NRG1: variants seen among roughly 807,000 people sequenced by gnomAD.
NRG1 encodes neuregulin 1.
A neutral mutation model predicts 63.8 loss-of-function variants in NRG1; 18 were observed. The observed-to-expected ratio is 0.28, with a 90% CI of 0.19 to 0.42. The LOEUF (loss-of-function observed/expected upper bound fraction) is 0.42. NRG1 is among the 10% of genes least tolerant of loss of function. The probability of loss-of-function intolerance (pLI) is 1.00; values close to 1 mark genes in which losing one functional copy is unlikely to be tolerated. For missense variants in NRG1, 762 were observed against 814.7 expected (o/e 0.94, Z 0.79); for synonymous variants, 302 against 301.3 (o/e 1.00, Z -0.02).
intron 1 of NRG1, among the ~76,000 whole-genome samples, chr8:32,323,960 T>G (rs1801712949): frequency 6.6e-6 from 1 of 152,190 alleles, no homozygotes; most frequent in African/African-American, 2.4e-5. Flanking sequence ...CTATCACACA[T>G]CTTCCTCATC....
chr8:32,213,969 A>G (rs1475847574), intron 1 of NRG1, among the ~76,000 whole-genome samples: 1 of 152,198 alleles, frequency 6.6e-6, no homozygotes, highest in African/African-American at 2.4e-5. Flanking sequence ...TTGAGTTTCT[A>G]GGGTGGCAGA....
At chr8:31,966,402 A>G (rs1806340154) in intron 1 of NRG1, among the ~76,000 whole-genome samples, 1 of 152,248 alleles carries the variant, frequency 6.6e-6, no homozygotes, top group African/African-American at 2.4e-5. Context: ...AACTGTGTGT[A>G]GAAAAATACA....
chr8:31,813,113 T>G (rs1039208949), intron 1 of NRG1, among the ~76,000 whole-genome samples: 6 of 152,250 alleles, frequency 3.9e-5, no homozygotes, highest in African/African-American at 1.4e-4. Flanking sequence ...TGATTACTTC[T>G]CTGTATATTT....
At chr8:32,009,358 A>G (rs977428126) in intron 1 of NRG1, among the ~76,000 whole-genome samples, 2 of 152,028 alleles carry the variant, frequency 1.3e-5, no homozygotes, top group East Asian at 3.9e-4. Context: ...TTAACTTTAC[A>G]TTCGTGCAAT....
rs1803601036 is a variant in NRG1 at position 31,640,183 on chromosome 8, C to T, written c.37+752C>T. 5.9e-6 allele frequency: 7 copies of T among 1,187,596 alleles called. No homozygotes were observed. The highest frequency in any genetic ancestry group is 7.3e-6 in the Non-Finnish European group (7 of 958,856). The allele number at this position is 1,187,596 out of a possible 1,614,324, so 73.6% of individuals were successfully genotyped here. On this transcript the variant is annotated intron_variant, in intron 1 of 10. Transcript: ENST00000519301. This position sits in a 1 kb window ranked among gnomAD's most constrained non-coding sequence, Gnocchi z 6.3. ...GGCCTCGGTGTGCTACTCGTCCCCGCCCAGCGTGGGATCGGTGCAGGAGCT... is the reference window on the plus strand; with the variant it reads ...GGCCTCGGTGTGCTACTCGTCCCCGTCCAGCGTGGGATCGGTGCAGGAGCT...
chr8:32,437,608 A>C (rs1214530663), intron 1 of NRG1, among the ~76,000 whole-genome samples: 1 of 152,136 alleles, frequency 6.6e-6, no homozygotes, highest in Non-Finnish European at 1.5e-5. Flanking sequence ...CATTAGGGAG[A>C]GTGGAAGGAA....
chr8:31,751,040 G>A (rs573940192), intron 1 of NRG1, among the ~76,000 whole-genome samples: 1 of 152,056 alleles, frequency 6.6e-6, no homozygotes, highest in South Asian at 2.1e-4. Context: ...TGGAAAGAAA[G>A]GGTCATTCTG....
intron 1 of NRG1, among the ~76,000 whole-genome samples, chr8:32,564,785 G>T (rs1837122773): frequency 6.6e-6 from 1 of 152,084 alleles, no homozygotes; most frequent in South Asian, 2.1e-4. Flanking sequence ...CTATGGCTGG[G>T]CGTGGTGGCT....
intron 1 of NRG1, among the ~76,000 whole-genome samples, chr8:32,184,023 G>A (rs901088031): frequency 2.0e-5 from 3 of 151,702 alleles, no homozygotes; most frequent in Admixed American, 6.6e-5. Context: ...ATAGAATCTT[G>A]GAAAAATAGC....
intron 1 of NRG1, among the ~76,000 whole-genome samples, chr8:32,583,539 A>G (rs753244038): frequency 1.1e-4 from 16 of 152,058 alleles, no homozygotes; most frequent in Non-Finnish European, 1.5e-4. Context: ...AACAAAACAA[A>G]AGATACTTCT....
intron 6 of NRG1, among the ~76,000 whole-genome samples, chr8:32,738,446 A>ACG (rs1825634698): frequency 6.6e-6 from 1 of 151,798 alleles, no homozygotes; most frequent in Non-Finnish European, 1.5e-5. Flanking sequence ...ACACACACAC[A>ACG]TATGTATATA....
chr8:32,199,783 T>C (rs1843316964), intron 1 of NRG1, among the ~76,000 whole-genome samples: 1 of 152,176 alleles, frequency 6.6e-6, no homozygotes, highest in South Asian at 2.1e-4. Flanking sequence ...TCTCATTGTT[T>C]TAAACTTTTT....
At chr8:31,901,167 G>A (rs1325584444) in intron 1 of NRG1, among the ~76,000 whole-genome samples, 1 of 152,130 alleles carries the variant, frequency 6.6e-6, no homozygotes, top group African/African-American at 2.4e-5. Context: ...GAATTTTGGG[G>A]TTTGTAAAAG....
chr8:32,546,308 C>T (rs4433107), upstream of NRG1, among the ~76,000 whole-genome samples: 92,757 of 136,730 alleles, frequency 0.68, 28,490 homozygotes, highest in East Asian at 0.78. Context: ...TTTTGAGCTT[C>T]TTTTTTTTAA....
chr8:32,583,873 T>C (rs967890972), intron 1 of NRG1, among the ~76,000 whole-genome samples: 32 of 152,318 alleles, frequency 2.1e-4, no homozygotes, highest in African/African-American at 7.0e-4. Context: ...AGGAAAACGA[T>C]ATGTTGACAT....
At chr8:32,251,126 C>T (rs1285003984) in intron 1 of NRG1, among the ~76,000 whole-genome samples, 2 of 151,770 alleles carry the variant, frequency 1.3e-5, no homozygotes, top group Admixed American at 6.6e-5. Flanking sequence ...GTTACATAGG[C>T]ATACGCTTGC....
intron 1 of NRG1, among the ~76,000 whole-genome samples, chr8:31,742,168 A>G (rs1815342241): frequency 6.6e-6 from 1 of 152,008 alleles, no homozygotes. Flanking sequence ...GTGTTTTGAA[A>G]TGCATTCATA....
At chr8:32,442,782 T>C (rs1302482590) in intron 1 of NRG1, 3 of 152,144 alleles carry the variant, frequency 2.0e-5, no homozygotes, top group South Asian at 2.1e-4. Context: ...TTTTTCAGAG[T>C]ACTGTCAAGA....
At chr8:32,331,361 A>T (rs1351624958) in intron 1 of NRG1, among the ~76,000 whole-genome samples, 1 of 88,422 alleles carries the variant, frequency 1.1e-5, no homozygotes, top group Non-Finnish European at 2.1e-5. Flanking sequence ...CTCTACAAAA[A>T]ATACAAAAAA....
Sources: allele counts gnomAD v4.1 joint callset (sites outside exome capture counted in the v4.1 genomes callset), GRCh38; gene constraint gnomAD v4.1.1; non-coding constraint Gnocchi (gnomAD v3.1); transcripts MANE v1.5; gene names NCBI Gene and HGNC (gene_info 2026-07-23, HGNC 2026-07-21).